Variants in TEX10 observed in about 807,000 individuals in gnomAD.
The protein encoded by TEX10 is testis expressed 10, also known as testis-expressed protein 10.
A neutral mutation model predicts 104.4 loss-of-function variants in TEX10; 24 were observed. The observed-to-expected ratio is 0.23, with a 90% CI of 0.17 to 0.32. The LOEUF (loss-of-function observed/expected upper bound fraction) is 0.32, where lower values mean the gene tolerates loss of function less well. TEX10 is among the 10% of genes least tolerant of loss of function. The pLI, the probability that TEX10 is intolerant of heterozygous loss-of-function variation, is 1.00. For missense variants in TEX10, 921 were observed against 1,083.9 expected, an observed-to-expected ratio of 0.85 and a Z score of 2.11; for synonymous variants, 396 against 393.4, an observed-to-expected ratio of 1.01 and a Z score of -0.08.
rs890745738 is a variant in TEX10, at chr9:100,317,844, G to A, written c.2202+2421C>T. Among the ~76,000 whole-genome samples, 6 of 152,184 alleles carry A rather than the reference G, an allele frequency of 3.9e-5. No individual in the cohort carries two copies. In the South Asian group the frequency reaches 1.2e-3, roughly 32 times the overall value. On this transcript the variant is annotated intron_variant, in intron 11 of 14. Coordinates refer to ENST00000374902, the MANE Select transcript of TEX10 (RefSeq NM_017746.4). ...AAGGATATGAATGGGTATTTTTCAA[G>A]ATGACAAATTGGCCAAAAAGGCACA...
chr9:100,347,514 C>T (rs1210789126), intron 2 of TEX10, 108 bp from the exon 3 acceptor site: 1 of 776,454 alleles, frequency 1.3e-6, no homozygotes, highest in Non-Finnish European at 1.9e-6. Flanking sequence ...CTTGGGGAAA[C>T]TGCTTCAATA....
Position 100,308,540 on chromosome 9 carries a change from G to A in TEX10, c.2425C>T (p.Leu809Phe), listed in dbSNP as rs1208842610. 1 of 1,611,344 alleles carries A rather than the reference G, an allele frequency of 6.2e-7. No individual in the cohort carries two copies. The highest frequency in any genetic ancestry group is 2.2e-5 in the East Asian group (1 of 44,816). The stretch of plus-strand genomic sequence containing the variant: ...TCTGCTTCCCCTTTCTCTATAGTGA[G>A]CAGAAAATAAAGAAGACTGTAGCAA... ...SCCYSLLYFL[L>F]TIEKGEAEHL... Residue 809 changes from leucine (L) to phenylalanine (F), a missense_variant, in exon 13 of 15, where the codon CTC (leucine) becomes TTC (phenylalanine). Transcript: ENST00000374902.
At chr9:100,314,133 G>A (rs979823272) in intron 11 of TEX10, among the ~76,000 whole-genome samples, 7 of 144,332 alleles carry the variant, frequency 4.8e-5, no homozygotes, top group Admixed American at 3.6e-4. Flanking sequence ...TGTCACCCAC[G>A]CTGGAGTGCA....
At chr9:100,332,638 G>A (rs1050451538) in intron 5 of TEX10, among the ~76,000 whole-genome samples, 3 of 151,990 alleles carry the variant, frequency 2.0e-5, no homozygotes, top group Admixed American at 1.3e-4. Flanking sequence ...TGGCTAACAC[G>A]GTGAAACCCC....
intron 1 of TEX10, 51 bp from the exon 2 acceptor site, chr9:100,349,423 T>G (rs914711): frequency 0.54 from 705,099 of 1,309,312 alleles, 200,311 homozygotes; most frequent in East Asian, 0.92. Context: ...AAGAATAAAT[T>G]ATGAAAAAAG....
In TEX10 at chr9:100,347,093, T is replaced by C; in HGVS notation, c.494A>G (p.Asp165Gly). ...AGCTGGGTACTGTTCCAGCAGAATGTCCAAAACTTTTAAAGAGTCCTCCTG... is the reference window on the plus strand; with the variant it reads ...AGCTGGGTACTGTTCCAGCAGAATGCCCAAAACTTTTAAAGAGTCCTCCTG... ...GIQEDSLKVL[D>G]ILLEQYPALI... is the part of the protein sequence containing the mutation. The change falls in exon 3 of 15, where the codon GAC (aspartate) becomes GGC (glycine). Residue 165 changes from aspartate to glycine, a missense_variant. By Grantham distance (94) the Asp-to-Gly change is moderately conservative. This residue lies in a region of TEX10 where 50 missense variants were observed against 104.2 expected (regional missense o/e 0.48). Coordinates refer to ENST00000374902, the MANE Select transcript of TEX10 (RefSeq NM_017746.4). 1 of 1,614,204 alleles carries C rather than the reference T, an allele frequency of 6.2e-7. No homozygotes were observed. The highest frequency in any genetic ancestry group is 8.5e-7 in the Non-Finnish European group (1 of 1,180,030).
chr9:100,339,679 A>G (rs946904472), intron 5 of TEX10, among the ~76,000 whole-genome samples: 3 of 152,016 alleles, frequency 2.0e-5, no homozygotes, highest in Non-Finnish European at 4.4e-5. Flanking sequence ...TTAGTATTTT[A>G]GCTTGTACCT....
At chr9:100,321,823 T>TC in intron 9 of TEX10, 52 bp from the exon 10 acceptor site, 6 of 1,344,716 alleles carry the variant, frequency 4.5e-6, no homozygotes, top group Non-Finnish European at 6.4e-6. Flanking sequence ...CTTGACAGAC[T>TC]TGTCAAAGGT....
chr9:100,310,903 A>G (rs1834261600), intron 11 of TEX10, among the ~76,000 whole-genome samples: 1 of 152,152 alleles, frequency 6.6e-6, no homozygotes, highest in South Asian at 2.1e-4. Context: ...GCTAGCCCCT[A>G]TTAGATGCCA....
chr9:100,303,626 T>A lies in TEX10; in HGVS notation c.2676+6A>T. On this transcript the variant is annotated splice_donor_region_variant and intron_variant, in intron 14 of 14. Coordinates refer to ENST00000374902, the MANE Select transcript of TEX10 (RefSeq NM_017746.4). ...ACTGCAAAGCCTCCGGTACCATGCT[T>A]CTTACCGTGATATTCTTGATGATCT... 1.9e-6 allele frequency: 3 copies of A among 1,613,882 alleles called. No homozygotes were observed. Among genetic ancestry groups the A allele is most frequent in the Non-Finnish European group, 2.5e-6 (3 of 1,179,922 alleles).
chr9:100,315,584 G>A (rs1834395637), intron 11 of TEX10, among the ~76,000 whole-genome samples: 1 of 152,164 alleles, frequency 6.6e-6, no homozygotes, highest in Non-Finnish European at 1.5e-5. Flanking sequence ...ACCTGTAAAA[G>A]TATAGCTACT....
chr9:100,323,080 AAAAC>A (rs1834612096), intron 9 of TEX10, among the ~76,000 whole-genome samples: 3 of 152,344 alleles, frequency 2.0e-5, no homozygotes, highest in South Asian at 4.1e-4. Context: ...TAGTGGTTGA[AAAAC>A]AAACTATTAT....
rs928192845 is a variant in TEX10 at position 100,347,065 on chromosome 9, T to C, written c.522A>G (p.Leu174=). Residue 174 remains leucine, a synonymous_variant, in exon 3 of 15, where the codon CTA becomes CTG. Transcript: ENST00000374902. ...LDILLEQYPA[L]ITGRSSILLK... is the part of the protein sequence containing the mutation. ...GCAATATGCTGCTACGGCCAGTAAT[T>C]AGAGCTGGGTACTGTTCCAGCAGAA... 1.2e-6 allele frequency: 2 copies of C among 1,614,076 alleles called. No individual in the cohort carries two copies. Among genetic ancestry groups the C allele is most frequent in the Non-Finnish European group, 1.7e-6 (2 of 1,180,028 alleles).
At chr9:100,347,486 A>G in intron 2 of TEX10, 80 bp from the exon 3 acceptor site, 1 of 1,085,278 alleles carries the variant, frequency 9.2e-7, no homozygotes, top group Non-Finnish European at 1.3e-6. Context: ...CTAACACTAC[A>G]CTAGTAAACT....
intron 4 of TEX10, among the ~76,000 whole-genome samples, chr9:100,345,066 G>A (rs1415931890): frequency 1.3e-5 from 2 of 152,102 alleles, no homozygotes; most frequent in Non-Finnish European, 2.9e-5. Flanking sequence ...ACTGCCATAT[G>A]AGAAACAAGC....
intron 4 of TEX10, among the ~76,000 whole-genome samples, chr9:100,341,793 A>T (rs1331867744): frequency 6.6e-6 from 1 of 152,230 alleles, no homozygotes; most frequent in Non-Finnish European, 1.5e-5. Context: ...TACATGTAGG[A>T]CAGGACTGGT....
intron 10 of TEX10, 107 bp from the exon 11 acceptor site, chr9:100,320,505 G>T: frequency 7.9e-7 from 1 of 1,264,702 alleles, no homozygotes; most frequent in Non-Finnish European, 1.1e-6. Flanking sequence ...CATTCTTTAA[G>T]CTACCTTGTT....
At chr9:100,309,902 C>T (rs1167840652) in intron 12 of TEX10, among the ~76,000 whole-genome samples, 1 of 152,112 alleles carries the variant, frequency 6.6e-6, no homozygotes, top group Non-Finnish European at 1.5e-5. Context: ...CACCTTGTGC[C>T]GGGTTAGATG....
intron 11 of TEX10, among the ~76,000 whole-genome samples, chr9:100,315,062 G>A (rs756237508): frequency 3.9e-5 from 6 of 152,162 alleles, no homozygotes; most frequent in African/African-American, 1.4e-4. Context: ...TGCATCATTT[G>A]TAAAGTTCCT....
Sources: gnomAD v4.1 joint callset for allele counts (sites outside exome capture counted in the v4.1 genomes callset) on GRCh38, gnomAD v4.1.1 for gene constraint, gnomAD v4.1.1 regional missense constraint, MANE v1.5 for transcripts, NCBI Gene and HGNC (gene_info 2026-07-23, HGNC 2026-07-21) for gene names.